The following NOX4 variants were observed in gnomAD, a reference collection of about 807,000 sequenced individuals.
NOX4 encodes the protein NADPH oxidase 4.
In NOX4, 69 loss-of-function variants were observed where a neutral mutation model predicts 87.6. The observed-to-expected ratio is 0.79, with a 90% CI of 0.65 to 0.96. The LOEUF is 0.96. NOX4 is among the 40% of genes least tolerant of loss of function. The pLI, the probability that NOX4 is intolerant of heterozygous loss-of-function variation, is 0.00. For synonymous variants in NOX4, 275 were observed against 238.2 expected, an observed-to-expected ratio of 1.15 and a Z score of -1.42; for missense variants, 680 against 681.5, an observed-to-expected ratio of 1.00 and a Z score of 0.02.
At chr11:89,509,387 C>G in the NOX4 span, among the ~76,000 whole-genome samples, 1 of 152,038 alleles carries the variant, frequency 6.6e-6, no homozygotes, top group Admixed American at 6.6e-5. Flanking sequence ...CTGCCCAGCT[C>G]TAATTGCCAT....
At chr11:89,499,083 C>A, upstream of NOX4, 1 of 153,562 alleles carries the variant, frequency 6.5e-6, no homozygotes, top group South Asian at 2.0e-4. Flanking sequence ...TTCTTTACCC[C>A]TCCGGTAGAG....
chr11:89,414,204 C>T (rs1942636479), intron 8 of NOX4, among the ~76,000 whole-genome samples: 1 of 151,994 alleles, frequency 6.6e-6, no homozygotes, highest in African/African-American at 2.4e-5. Flanking sequence ...AGTCAAAATA[C>T]CAAAATGTGT....
the NOX4 span, among the ~76,000 whole-genome samples, chr11:89,541,651 T>C: frequency 6.6e-6 from 1 of 152,156 alleles, no homozygotes; most frequent in African/African-American, 2.4e-5. Flanking sequence ...GAAATGAACA[T>C]TTAATATCAA....
the NOX4 span, among the ~76,000 whole-genome samples, chr11:89,544,185 C>T: frequency 6.6e-6 from 1 of 152,136 alleles, no homozygotes; most frequent in Non-Finnish European, 1.5e-5. Flanking sequence ...TAAGTTTCTA[C>T]TCTGCTAAGC....
chr11:89,519,507 A>C, the NOX4 span, among the ~76,000 whole-genome samples: 11 of 152,228 alleles, frequency 7.2e-5, no homozygotes, highest in African/African-American at 2.6e-4. Flanking sequence ...TGTAAGATCT[A>C]TGAGAATTTT....
chr11:89,326,560 G>T lies in NOX4; in HGVS notation c.*196C>A, dbSNP rs1217427589. On this transcript the variant is annotated 3_prime_UTR_variant, in exon 18 of 18. Transcript: ENST00000263317. ...ATCATCACATCAAATATTCTTCAGG[G>T]TCTCTTTGGTTTCCAGATTAAACAT... 3 of 437,756 alleles carry T rather than the reference G, an allele frequency of 6.9e-6. No homozygotes were observed. The highest frequency in any genetic ancestry group is 1.2e-5 in the Non-Finnish European group (3 of 246,500). The allele number at this position is 437,756 out of a possible 1,614,324, so 27.1% of individuals were successfully genotyped here.
chr11:89,462,714 TAAATATC>T (rs1427122871), intron 2 of NOX4, among the ~76,000 whole-genome samples: 1 of 152,054 alleles, frequency 6.6e-6, no homozygotes, highest in African/African-American at 2.4e-5. Context: ...GTTAAGAACT[TAAATATC>T]AAAATCAAAA....
intron 8 of NOX4, among the ~76,000 whole-genome samples, chr11:89,410,344 C>T (rs1399546247): frequency 1.3e-5 from 2 of 152,092 alleles, no homozygotes; most frequent in African/African-American, 2.4e-5. Context: ...TCTGTAATGC[C>T]TTGATACTTG....
rs76149564 is a variant in NOX4 at position 89,447,364 on chromosome 11, T to G, written c.349+2076A>C. ...TTCTGAATTTCTCTGAAAAAAAATT[T>G]GTAGGTAACAGCTATAGAAAATACA... On this transcript the variant is annotated intron_variant, in intron 4 of 17. Transcript: ENST00000263317. Among the ~76,000 whole-genome samples the G allele has an allele frequency of 3.3e-5, 5 of 152,286 alleles. No homozygotes were observed. The East Asian group carries it at 9.6e-4, about 29-fold the overall frequency.
rs1378915510 is a variant in NOX4 at position 89,329,021 on chromosome 11, C to G, written c.1617-2145G>C. Among the ~76,000 whole-genome samples, 12 of 151,996 alleles carry G rather than the reference C, an allele frequency of 7.9e-5. No homozygotes were observed. In the South Asian group the frequency reaches 2.5e-3, roughly 32 times the overall value. On this transcript the variant is annotated intron_variant, in intron 17 of 17. Coordinates refer to ENST00000263317, the MANE Select transcript of NOX4 (RefSeq NM_016931.5). Reference sequence around the variant, plus strand: ...AATTGCTGTTGTTTAATCCACCAGTCTGTGGTATATTGCTATGGTAGCCCT... The same window carrying G: ...AATTGCTGTTGTTTAATCCACCAGTGTGTGGTATATTGCTATGGTAGCCCT...
intron 8 of NOX4, among the ~76,000 whole-genome samples, chr11:89,407,713 T>C (rs1232362783): frequency 1.3e-5 from 2 of 152,060 alleles, no homozygotes; most frequent in Non-Finnish European, 2.9e-5. Flanking sequence ...TAAAATAATA[T>C]AATACATTAA....
chr11:89,351,853 A>T (rs1946469161), intron 13 of NOX4, among the ~76,000 whole-genome samples: 1 of 152,196 alleles, frequency 6.6e-6, no homozygotes, highest in South Asian at 2.1e-4. Context: ...AATGGATTCA[A>T]CCTAAGTGTC....
At chr11:89,364,252 C>T (rs1337656390) in intron 12 of NOX4, among the ~76,000 whole-genome samples, 1 of 151,978 alleles carries the variant, frequency 6.6e-6, no homozygotes, top group Non-Finnish European at 1.5e-5. Flanking sequence ...GTCTCTCTCT[C>T]TCTTTCTCTC....
the NOX4 span, among the ~76,000 whole-genome samples, chr11:89,584,703 G>T: frequency 6.6e-6 from 1 of 152,130 alleles, no homozygotes; most frequent in African/African-American, 2.4e-5. Context: ...AAGTAAAAAT[G>T]TGTAGTTCAA....
At chr11:89,570,581 C>T in the NOX4 span, among the ~76,000 whole-genome samples, 1 of 151,986 alleles carries the variant, frequency 6.6e-6, no homozygotes, top group Non-Finnish European at 1.5e-5. Flanking sequence ...ATGACTAATC[C>T]CAACACTTTG....
intron 2 of NOX4, among the ~76,000 whole-genome samples, chr11:89,478,175 C>T (rs1946245295): frequency 6.6e-6 from 1 of 151,320 alleles, no homozygotes; most frequent in Non-Finnish European, 1.5e-5. Context: ...TTAATCTTTT[C>T]CTCTCTTTCC....
chr11:89,473,479 G>C (rs1946033937), intron 2 of NOX4, among the ~76,000 whole-genome samples: 1 of 151,206 alleles, frequency 6.6e-6, no homozygotes, highest in Admixed American at 6.6e-5. Flanking sequence ...AAAAAAATGA[G>C]AGAAAACGCA....
At chr11:89,353,070 C>T (rs1339084197) in intron 13 of NOX4, among the ~76,000 whole-genome samples, 6 of 152,178 alleles carry the variant, frequency 3.9e-5, no homozygotes, top group Admixed American at 3.3e-4. Flanking sequence ...CCACCTGCCT[C>T]GGCTTCCCAA....
the NOX4 span, among the ~76,000 whole-genome samples, chr11:89,564,311 G>C: frequency 6.6e-6 from 1 of 152,140 alleles, no homozygotes; most frequent in Non-Finnish European, 1.5e-5. Flanking sequence ...TCACGATGGA[G>C]GGGTGAAGTG....
Sources: allele counts gnomAD v4.1 joint callset (sites outside exome capture counted in the v4.1 genomes callset), GRCh38; gene constraint gnomAD v4.1.1; transcripts MANE v1.5; gene names NCBI Gene and HGNC (gene_info 2026-07-23, HGNC 2026-07-21).